DCDC1: variants seen among roughly 807,000 people sequenced by gnomAD.
The protein encoded by DCDC1 is doublecortin domain-containing protein 1.
Under a neutral mutation model 178.3 loss-of-function variants are expected in DCDC1, and 200 were observed. The ratio of observed to expected loss-of-function variants is 1.12; its 90% CI spans 1.00 to 1.26. DCDC1 has a LOEUF of 1.26. Among genes scored for constraint, DCDC1 ranks in the 50% most tolerant of loss-of-function variants. DCDC1 has a pLI of 0.00. For synonymous variants in DCDC1, 690 were observed against 604.8 expected, an observed-to-expected ratio of 1.14 and a Z score of -2.07; for missense variants, 1,983 against 1,749.2, an observed-to-expected ratio of 1.13 and a Z score of -2.38.
At chr11:31,003,769 T>G (rs137965877) in intron 20 of DCDC1, among the ~76,000 whole-genome samples, 2 of 152,288 alleles carry the variant, frequency 1.3e-5, no homozygotes, top group Non-Finnish European at 2.9e-5. Flanking sequence ...GGTTAAGCAG[T>G]GTGATACCAC....
chr11:31,169,439 T>C (rs1159374120), intron 9 of DCDC1, among the ~76,000 whole-genome samples: 1 of 152,108 alleles, frequency 6.6e-6, no homozygotes, highest in Non-Finnish European at 1.5e-5. Context: ...AATAAGTAAA[T>C]GAATATAAAG....
At chr11:31,231,449 G>C (rs1275676818) in intron 9 of DCDC1, among the ~76,000 whole-genome samples, 1 of 152,130 alleles carries the variant, frequency 6.6e-6, no homozygotes, top group Admixed American at 6.6e-5. Context: ...ATGAGGAAGA[G>C]GTGTGCTTTG....
intron 9 of DCDC1, among the ~76,000 whole-genome samples, chr11:31,141,653 T>C (rs1000939659): frequency 4.6e-5 from 7 of 152,214 alleles, no homozygotes; most frequent in African/African-American, 4.8e-5. Context: ...AACAACATGA[T>C]AATCAGCCTT....
chr11:30,925,387 T>A lies in DCDC1; in HGVS notation c.2919A>T (p.Leu973Phe). The A allele has an allele frequency of 6.2e-7, 1 of 1,613,754 alleles. No individual in the cohort carries two copies. The highest frequency in any genetic ancestry group is 8.5e-7 in the Non-Finnish European group (1 of 1,179,804). The change falls in exon 23 of 39, where the codon TTA (leucine) becomes TTT (phenylalanine). Residue 973 changes from leucine to phenylalanine, a missense_variant. Transcript: ENST00000684477. ...TGTACAATCTCCGAGCTGCAGAAGG[T>A]AAATTTAAAATCTCAGTGCACCTGT... is the stretch of plus-strand genomic sequence containing the variant. ...RKTQCTEILN[L>F]PSAARRLYNE...
In DCDC1 at chr11:30,894,317, C is replaced by T; in HGVS notation, c.4833G>A (p.Val1611=). The T allele has an allele frequency of 6.2e-7, 1 of 1,613,872 alleles. No homozygotes were observed. The highest frequency in any genetic ancestry group is 2.2e-5 in the East Asian group (1 of 44,870). ...TCTGTTCGGTCCAGCCTCCTTCAAC[C>T]ACCACGGGCTGCACAGGGCTCTTGG... is the stretch of plus-strand genomic sequence containing the variant. ...VPTKSPVQPV[V]VEGGWTEQTQ... The change falls in exon 35 of 39, where the codon GTG becomes GTA. Residue 1611 remains valine, a synonymous_variant. Transcript: ENST00000684477.
chr11:31,327,949 C>T (rs1317970691), intron 3 of DCDC1, among the ~76,000 whole-genome samples, 168 bp downstream of exon 3: 1 of 152,026 alleles, frequency 6.6e-6, no homozygotes, highest in Non-Finnish European at 1.5e-5. Flanking sequence ...AGGCTGGTCT[C>T]GAACTTCTAA....
chr11:31,107,657 A>G (rs1958940234), intron 12 of DCDC1, among the ~76,000 whole-genome samples: 1 of 152,118 alleles, frequency 6.6e-6, no homozygotes, highest in Non-Finnish European at 1.5e-5. Flanking sequence ...AGATATTTCT[A>G]ATTTAGGGCA....
chr11:30,995,658 G>C (rs139432265), intron 20 of DCDC1, among the ~76,000 whole-genome samples: 1 of 152,052 alleles, frequency 6.6e-6, no homozygotes, highest in Non-Finnish European at 1.5e-5. Flanking sequence ...AATTGAGAAA[G>C]AATTGTCTTT....
intron 29 of DCDC1, 81 bp downstream of exon 29, chr11:30,908,865 G>T: frequency 1.5e-6 from 2 of 1,328,038 alleles, no homozygotes; most frequent in Non-Finnish European, 1.0e-6. Flanking sequence ...AGTTTTCTAG[G>T]GAAAAAAATT....
chr11:31,287,224 A>AAAAC (rs751593307), intron 7 of DCDC1, among the ~76,000 whole-genome samples: 2 of 150,522 alleles, frequency 1.3e-5, no homozygotes, highest in East Asian at 1.9e-4. Context: ...AAAACAAAAC[A>AAAAC]AAACAAACAA....
rs146440557 is a variant in DCDC1, at chr11:31,307,868, T to C, written c.205A>G (p.Thr69Ala). 393 of 1,613,998 alleles carry C rather than the reference T, an allele frequency of 2.4e-4. No homozygotes were observed. The highest frequency in any genetic ancestry group is 3.2e-4 in the Non-Finnish European group (378 of 1,179,976). The change falls in exon 4 of 39, where the codon ACT (threonine) becomes GCT (alanine). Residue 69 changes from threonine (T) to alanine (A), a missense_variant. By Grantham distance (58) the Thr-to-Ala change is moderately conservative. Transcript: ENST00000684477. ...AACTGAGACTGCAAATAATCATCAG[T>C]AGTTTTAATAACTGCTTTTGCCTGG... ...SSQAKAVIKT[T>A]DDYLQSQFGP...
At chr11:31,076,629 T>C (rs545497152) in intron 18 of DCDC1, among the ~76,000 whole-genome samples, 2 of 152,262 alleles carry the variant, frequency 1.3e-5, no homozygotes, top group East Asian at 1.9e-4. Context: ...CAGGTATGAG[T>C]CACCATGCCC....
chr11:31,183,114 G>C (rs4067533), intron 9 of DCDC1, among the ~76,000 whole-genome samples: 1 of 152,170 alleles, frequency 6.6e-6, no homozygotes, highest in Admixed American at 6.5e-5. Context: ...AGTTCTTAGA[G>C]ATCTACGAAG....
At chr11:31,168,058 A>G (rs1034918088) in intron 9 of DCDC1, among the ~76,000 whole-genome samples, 13 of 152,096 alleles carry the variant, frequency 8.5e-5, no homozygotes, top group African/African-American at 2.2e-4. Flanking sequence ...CCCTAATACA[A>G]TGTACTCATC....
At chr11:31,112,580 G>T (rs1478551243) in intron 11 of DCDC1, among the ~76,000 whole-genome samples, 1 of 152,124 alleles carries the variant, frequency 6.6e-6, no homozygotes. Flanking sequence ...CTAGCCTTGG[G>T]TCCTAAGGAA....
intron 1 of DCDC1, among the ~76,000 whole-genome samples, chr11:31,343,310 C>T (rs1312998585): frequency 6.6e-6 from 1 of 151,862 alleles, no homozygotes; most frequent in Non-Finnish European, 1.5e-5. Context: ...AGAGTAAGAC[C>T]CTGTCTTTTT....
chr11:31,365,163 G>T (rs141239381), intron 1 of DCDC1, among the ~76,000 whole-genome samples: 1 of 152,092 alleles, frequency 6.6e-6, no homozygotes, highest in Non-Finnish European at 1.5e-5. Context: ...TGTAACTAAC[G>T]GAGTGTGGGG....
At chr11:31,364,479 G>C (rs894556858) in intron 1 of DCDC1, among the ~76,000 whole-genome samples, 1 of 152,164 alleles carries the variant, frequency 6.6e-6, no homozygotes, top group African/African-American at 2.4e-5. Flanking sequence ...TAAAACATTA[G>C]ATGTGAAGAT....
chr11:30,911,702 G>A (rs1472955901), intron 27 of DCDC1, among the ~76,000 whole-genome samples: 4 of 152,140 alleles, frequency 2.6e-5, no homozygotes, highest in Non-Finnish European at 5.9e-5. Context: ...TTGTTCCAGC[G>A]AGGTGCCCAG....
Sources: allele counts gnomAD v4.1 joint callset (sites outside exome capture counted in the v4.1 genomes callset), GRCh38; gene constraint gnomAD v4.1.1; transcripts MANE v1.5; gene names NCBI Gene and HGNC (gene_info 2026-07-23, HGNC 2026-07-21).